The following ZNF385D variants were observed in gnomAD, a reference collection of about 807,000 sequenced individuals.
ZNF385D encodes zinc finger protein 659.
In ZNF385D, 15 loss-of-function variants were observed where a neutral mutation model predicts 35.8. The ratio of observed to expected loss-of-function variants is 0.42; its 90% confidence interval spans 0.28 to 0.64. The LOEUF (loss-of-function observed/expected upper bound fraction) is 0.64. Ranked by LOEUF, ZNF385D falls within the 30% of genes least tolerant of loss-of-function variation. ZNF385D has a pLI of 0.23. For missense variants in ZNF385D, 474 were observed against 494.6 expected, an observed-to-expected ratio of 0.96 and a Z score of 0.39; for synonymous variants, 212 against 186.8, an observed-to-expected ratio of 1.13 and a Z score of -1.10.
In ZNF385D at chr3:21,612,777, A is replaced by ATTT. The variant is rs531667693; in HGVS notation, c.166-48096_166-48094dup. Among the ~76,000 whole-genome samples the ATTT allele has an allele frequency of 1.6e-3, 251 of 152,142 alleles. No homozygotes were observed. The South Asian group carries it at 0.018, about 11-fold the overall frequency. ...ATTAGAATCTATAATCTAAACCTCA[A>ATTT]TTTTTCTTCTTTCATAAAAGGTGAC... is the stretch of plus-strand genomic sequence containing the variant. On this transcript the variant is annotated intron_variant, in intron 2 of 7. Transcript: ENST00000281523.
At chr3:22,207,345 C>G (rs1697224219) in intron 2 of ZNF385D, among the ~76,000 whole-genome samples, 1 of 151,820 alleles carries the variant, frequency 6.6e-6, no homozygotes, top group South Asian at 2.1e-4. Context: ...CTGGGAAAAG[C>G]ACAATATCAT....
chr3:21,837,870 C>CAA lies in ZNF385D; in HGVS notation c.326-172844_326-172843dup, dbSNP rs57424579. 2.0e-4 allele frequency among the ~76,000 whole-genome samples: 28 copies of CAA among 138,966 alleles called. 2 individuals are homozygous for CAA. The highest frequency in any genetic ancestry group is 7.0e-4 in the South Asian group (3 of 4,262). 91.2% of individuals were successfully genotyped at this position (138,966 alleles called of 152,430 possible). A position where few individuals can be genotyped will look rare whatever the true frequency, so the allele number is the denominator to read the frequency against. Reference sequence around the variant, plus strand: ...CTGGTAACAGTGTGAGACTCCATCTCAAAAAAAAAAAAAAAATTGGAGAAA... The same window carrying CAA: ...CTGGTAACAGTGTGAGACTCCATCTCAAAAAAAAAAAAAAAAAATTGGAGAAA... On this transcript the variant is annotated intron_variant, in intron 3 of 5. Coordinates refer to the ZNF385D transcript ENST00000494108.
At chr3:21,564,734 T>C in intron 2 of ZNF385D, 50 bp from the exon 3 acceptor site, 1 of 1,237,782 alleles carries the variant, frequency 8.1e-7, no homozygotes, top group South Asian at 1.6e-5. Context: ...GCTTGTCAGT[T>C]CCATTGGAAT....
At chr3:21,767,261 C>T (rs988299278) in intron 3 of ZNF385D, among the ~76,000 whole-genome samples, 5 of 152,068 alleles carry the variant, frequency 3.3e-5, no homozygotes, top group Admixed American at 3.3e-4. Flanking sequence ...TTTGTGTAAT[C>T]ATCCTACAAA....
chr3:22,086,955 G>A (rs1701077199), intron 3 of ZNF385D, among the ~76,000 whole-genome samples: 1 of 151,954 alleles, frequency 6.6e-6, no homozygotes, highest in African/African-American at 2.4e-5. Context: ...AGAGGGGAGG[G>A]ATAGCATTAG....
Position 22,186,533 on chromosome 3 carries a change from G to T in ZNF385D, c.107-17498C>A, listed in dbSNP as rs143479281. Among the ~76,000 whole-genome samples the T allele has an allele frequency of 7.4e-3, 1,124 of 152,220 alleles. 58 individuals carry two copies. Among genetic ancestry groups the T allele is most frequent in the Admixed American group, 0.066 (1,014 of 15,264 alleles). On this transcript the variant is annotated intron_variant, in intron 2 of 5. Transcript: ENST00000494108. Reference sequence around the variant, plus strand: ...CATGTCCTGAAGTTATAAAATTATTGTATCATTTCACTTTACCTGTCCTGA... The same window carrying T: ...CATGTCCTGAAGTTATAAAATTATTTTATCATTTCACTTTACCTGTCCTGA...
chr3:21,976,074 T>G (rs1438191329), intron 3 of ZNF385D, among the ~76,000 whole-genome samples: 4 of 152,118 alleles, frequency 2.6e-5, no homozygotes, highest in African/African-American at 9.7e-5. Context: ...GGATGCACCA[T>G]GTATATGGGG....
chr3:21,786,745 T>C (rs2336051), intron 3 of ZNF385D, among the ~76,000 whole-genome samples: 4 of 151,986 alleles, frequency 2.6e-5, no homozygotes, highest in Non-Finnish European at 5.9e-5. Context: ...AGCATTATGC[T>C]TTTGCCATGT....
At chr3:21,553,400 T>A (rs2062628529) in intron 3 of ZNF385D, among the ~76,000 whole-genome samples, 1 of 152,206 alleles carries the variant, frequency 6.6e-6, no homozygotes, top group African/African-American at 2.4e-5. Context: ...TGTCTAAAAA[T>A]ACAATGTATA....
intron 2 of ZNF385D, among the ~76,000 whole-genome samples, chr3:22,301,499 A>G (rs187883002): frequency 6.6e-6 from 1 of 152,152 alleles, no homozygotes; most frequent in African/African-American, 2.4e-5. Flanking sequence ...TCCCTAATGT[A>G]TATATATTTC....
intron 1 of ZNF385D, among the ~76,000 whole-genome samples, chr3:21,672,503 A>C (rs1353207829): frequency 6.6e-6 from 1 of 151,954 alleles, no homozygotes; most frequent in Non-Finnish European, 1.5e-5. Flanking sequence ...CACAGAGAGG[A>C]ATGAGGTGAG....
Position 21,525,165 on chromosome 3 carries a change from G to A in ZNF385D, c.277-14142C>T, listed in dbSNP as rs189260110. On this transcript the variant is annotated intron_variant, in intron 3 of 7. Coordinates refer to ENST00000281523, the MANE Select transcript of ZNF385D (RefSeq NM_024697.3). Reference sequence around the variant, plus strand: ...AAGCACCTCCAGCTTCTAAATGTAGGGAAACAAACAAAAAGCTGCAACTCA... The same window carrying A: ...AAGCACCTCCAGCTTCTAAATGTAGAGAAACAAACAAAAAGCTGCAACTCA... Among the ~76,000 whole-genome samples the A allele has an allele frequency of 3.3e-3, 497 of 152,094 alleles. 1 individual carries two copies. The highest frequency in any genetic ancestry group is 5.5e-3 in the Non-Finnish European group (376 of 68,000).
intron 3 of ZNF385D, among the ~76,000 whole-genome samples, chr3:21,992,077 A>C (rs1695184616): frequency 1.3e-5 from 2 of 152,318 alleles, no homozygotes; most frequent in Admixed American, 6.5e-5. Context: ...GTGAGAATTA[A>C]ATGAGTTAAG....
intron 2 of ZNF385D, among the ~76,000 whole-genome samples, chr3:22,290,984 C>A (rs893125644): frequency 6.6e-6 from 1 of 151,804 alleles, no homozygotes; most frequent in East Asian, 1.9e-4. Flanking sequence ...TCTGATACTT[C>A]TTCTTATATG....
At chr3:22,264,057 A>C (rs1700769482) in intron 2 of ZNF385D, among the ~76,000 whole-genome samples, 1 of 152,004 alleles carries the variant, frequency 6.6e-6, no homozygotes, top group South Asian at 2.1e-4. Flanking sequence ...TAAAACCCAA[A>C]GGGATATGGA....
At chr3:22,093,907 A>C (rs942191090) in intron 3 of ZNF385D, among the ~76,000 whole-genome samples, 1 of 152,126 alleles carries the variant, frequency 6.6e-6, no homozygotes, top group African/African-American at 2.4e-5. Flanking sequence ...TGAAGACATC[A>C]ATATATCCAC....
At chr3:22,067,532 G>A (rs1025495380) in intron 3 of ZNF385D, among the ~76,000 whole-genome samples, 4 of 152,304 alleles carry the variant, frequency 2.6e-5, no homozygotes, top group African/African-American at 9.6e-5. Context: ...TGACAAAACA[G>A]AAGTGTATAT....
At chr3:22,119,675 G>A (rs1485569298) in intron 3 of ZNF385D, among the ~76,000 whole-genome samples, 2 of 152,076 alleles carry the variant, frequency 1.3e-5, no homozygotes, top group East Asian at 3.9e-4. Flanking sequence ...GGTTGCTGGA[G>A]CCTCTTAGGC....
chr3:21,708,502 G>T (rs1389576176), intron 1 of ZNF385D, among the ~76,000 whole-genome samples: 1 of 152,136 alleles, frequency 6.6e-6, no homozygotes, highest in Non-Finnish European at 1.5e-5. Flanking sequence ...GAATGTTCCA[G>T]TCTACTTATT....
Sources: gnomAD v4.1 joint callset for allele counts (sites outside exome capture counted in the v4.1 genomes callset) on GRCh38, gnomAD v4.1.1 for gene constraint, MANE v1.5 for transcripts, NCBI Gene and HGNC (gene_info 2026-07-23, HGNC 2026-07-21) for gene names.